TMPRSS11A: variants seen among roughly 807,000 people sequenced by gnomAD.
TMPRSS11A encodes the protein transmembrane protease serine 11A.
TMPRSS11A carries 53 observed loss-of-function variants against 58.9 expected under a neutral mutation model. That is an observed-to-expected ratio of 0.90 (90% CI 0.72 to 1.13). The LOEUF is 1.13. Among genes scored for constraint, TMPRSS11A ranks in the 50% most tolerant of loss-of-function variants. The pLI is 0.00. For missense variants in TMPRSS11A, 493 were observed against 499.3 expected (o/e 0.99, Z 0.12); for synonymous variants, 167 against 169.8 (o/e 0.98, Z 0.13).
chr4:67,935,290 C>T lies in TMPRSS11A; in HGVS notation c.253-3230G>A, dbSNP rs114575195. On this transcript the variant is annotated intron_variant, in intron 3 of 9. Coordinates refer to ENST00000508048, the MANE Select transcript of TMPRSS11A (RefSeq NM_001114387.2). ...ACCACCAGTACTTTCAGGCATGGCC[C>T]TCATTTTCCTGCATACTCACGCCTC... Among the ~76,000 whole-genome samples, 808 of 152,236 alleles carry T rather than the reference C, an allele frequency of 5.3e-3. 3 individuals are homozygous for T. The highest frequency in any genetic ancestry group is 0.024 in the Middle Eastern group (7 of 294).
chr4:67,930,829 T>TTAAA (rs1265700805), intron 4 of TMPRSS11A, among the ~76,000 whole-genome samples: 4 of 90,148 alleles, frequency 4.4e-5, no homozygotes, highest in African/African-American at 1.9e-4. Flanking sequence ...TTTTTTTTTT[T>TTAAA]ACAAAAAAAA....
At chr4:67,927,074 T>C (rs750444004) in intron 5 of TMPRSS11A, among the ~76,000 whole-genome samples, 18 of 152,192 alleles carry the variant, frequency 1.2e-4, no homozygotes, top group East Asian at 5.8e-4. Flanking sequence ...AGCTGTTCTC[T>C]TGCTCAGTAA....
At chr4:67,934,026 G>A (rs1382105697) in intron 3 of TMPRSS11A, among the ~76,000 whole-genome samples, 1 of 152,128 alleles carries the variant, frequency 6.6e-6, no homozygotes, top group Non-Finnish European at 1.5e-5. Context: ...TGAATTGTTA[G>A]GTTGTCTGGG....
chr4:67,920,654 G>C (rs1465414891), intron 7 of TMPRSS11A, among the ~76,000 whole-genome samples: 1 of 150,612 alleles, frequency 6.6e-6, no homozygotes, highest in African/African-American at 2.4e-5. Context: ...AAAGTTCAGG[G>C]TTACATGTGC....
chr4:67,959,695 G>C (rs1390914563), intron 1 of TMPRSS11A, among the ~76,000 whole-genome samples: 1 of 152,218 alleles, frequency 6.6e-6, no homozygotes, highest in Admixed American at 6.5e-5. Context: ...AGGCTGCAGA[G>C]AAAAGGGAAT....
chr4:67,948,073 TA>T (rs1185252805), intron 1 of TMPRSS11A, among the ~76,000 whole-genome samples: 3 of 152,172 alleles, frequency 2.0e-5, no homozygotes, highest in South Asian at 4.1e-4. Context: ...AAACAGAGGA[TA>T]TTTTTCATAT....
In TMPRSS11A at chr4:67,932,200, C is replaced by T. The variant is rs904198410; in HGVS notation, c.253-140G>A. 6 of 550,360 alleles carry T rather than the reference C, an allele frequency of 1.1e-5. No individual in the cohort carries two copies. The Admixed American group carries it at 1.8e-4, about 17-fold the overall frequency. 34.1% of individuals were successfully genotyped at this position (550,360 alleles called of 1,614,324 possible). A position where few individuals can be genotyped will look rare whatever the true frequency, so the allele number is the denominator to read the frequency against. Reference sequence around the variant, plus strand: ...TTAAATTGGTGGATCTCAGCTTTCACAGTGCAACAGAATCATTTGATGAAT... The same window carrying T: ...TTAAATTGGTGGATCTCAGCTTTCATAGTGCAACAGAATCATTTGATGAAT... On this transcript the variant is annotated intron_variant, in intron 3 of 9. Transcript: ENST00000508048.
chr4:67,953,207 T>C (rs1721205655), intron 1 of TMPRSS11A, among the ~76,000 whole-genome samples: 2 of 152,172 alleles, frequency 1.3e-5, no homozygotes, highest in East Asian at 3.9e-4. Flanking sequence ...GCCTAGTTCC[T>C]AACAGGCCAT....
At chr4:67,934,441 T>C (rs1035722363) in intron 3 of TMPRSS11A, among the ~76,000 whole-genome samples, 4 of 152,172 alleles carry the variant, frequency 2.6e-5, no homozygotes, top group African/African-American at 9.6e-5. Context: ...TTCCCAGAAG[T>C]TTCAGAGAAA....
At chr4:67,946,155 A>T (rs1720997423) in intron 2 of TMPRSS11A, among the ~76,000 whole-genome samples, 1 of 152,142 alleles carries the variant, frequency 6.6e-6, no homozygotes, top group African/African-American at 2.4e-5. Flanking sequence ...AGACAATTAC[A>T]ATTTTTGATC....
In TMPRSS11A at chr4:67,930,045, GAC is replaced by G; in HGVS notation, c.321-7_321-6del. 6.2e-7 allele frequency: 1 copy of G among 1,600,734 alleles called. No homozygotes were observed. The highest frequency in any genetic ancestry group is 8.5e-7 in the Non-Finnish European group (1 of 1,171,416). ...TTCACACCATCTTCCTCTGGACTGT[GAC>G]ACACAAAAGAAAGGTACATTTTCAA... On this transcript the variant is annotated splice_polypyrimidine_tract_variant and splice_region_variant and intron_variant, in intron 4 of 9. Transcript: ENST00000508048.
chr4:67,962,978 AGTAAACACAG>A (rs1296117587), intron 1 of TMPRSS11A, among the ~76,000 whole-genome samples: 1 of 152,256 alleles, frequency 6.6e-6, no homozygotes, highest in Non-Finnish European at 1.5e-5. Context: ...ATAAGGGACA[AGTAAACACAG>A]CGAAAGAGAA....
intron 6 of TMPRSS11A, among the ~76,000 whole-genome samples, chr4:67,923,662 G>A (rs1329525977): frequency 3.9e-5 from 6 of 151,930 alleles, no homozygotes; most frequent in South Asian, 2.1e-4. Context: ...ACCTGCCACC[G>A]CACCTGGCTA....
chr4:67,958,137 T>C (rs1721334043), intron 1 of TMPRSS11A, among the ~76,000 whole-genome samples: 1 of 152,158 alleles, frequency 6.6e-6, no homozygotes, highest in Admixed American at 6.5e-5. Flanking sequence ...GAACCTCTGC[T>C]AGGGAAGTGC....
intron 1 of TMPRSS11A, among the ~76,000 whole-genome samples, chr4:67,952,754 T>C (rs573864263): frequency 6.6e-4 from 101 of 152,362 alleles, no homozygotes; most frequent in African/African-American, 2.4e-3. Context: ...GTTTTAATTC[T>C]TGATATGTTA....
chr4:67,926,166 A>G (rs1017395565), intron 5 of TMPRSS11A, among the ~76,000 whole-genome samples: 3 of 152,208 alleles, frequency 2.0e-5, no homozygotes, highest in African/African-American at 7.2e-5. Context: ...TTTGCAATGC[A>G]AAGAAGTTGA....
At position 67,919,355 on chromosome 4, in the gene TMPRSS11A, T is replaced by C; in HGVS notation, c.693-123A>G. The C allele has an allele frequency of 3.5e-6, 3 of 851,484 alleles. No individual in the cohort carries two copies. In the South Asian group the frequency reaches 5.6e-5, roughly 16 times the overall value. 52.7% of individuals were successfully genotyped at this position (851,484 alleles called of 1,614,324 possible). On this transcript the variant is annotated intron_variant, in intron 7 of 9. Coordinates refer to ENST00000508048, the MANE Select transcript of TMPRSS11A (RefSeq NM_001114387.2). ...TGAGAATACTTGGCTGCAGTTATAG[T>C]TTTCTTTTATCATTTAAATATAATC...
chr4:67,937,615 G>A (rs1720782622), intron 3 of TMPRSS11A, among the ~76,000 whole-genome samples: 1 of 152,126 alleles, frequency 6.6e-6, no homozygotes, highest in Admixed American at 6.5e-5. Flanking sequence ...TCATTTTCCA[G>A]CTATGGACCT....
intron 3 of TMPRSS11A, among the ~76,000 whole-genome samples, chr4:67,939,654 C>A (rs1720833301): frequency 6.6e-6 from 1 of 152,032 alleles, no homozygotes; most frequent in African/African-American, 2.4e-5. Context: ...GCTTTTTCTA[C>A]ATATATTGAG....
Sources: allele counts gnomAD v4.1 joint callset (sites outside exome capture counted in the v4.1 genomes callset), GRCh38; gene constraint gnomAD v4.1.1; transcripts MANE v1.5; gene names NCBI Gene and HGNC (gene_info 2026-07-23, HGNC 2026-07-21).